The following RDX variants were observed in gnomAD, a reference collection of about 807,000 sequenced individuals.
RDX encodes the protein radixin.
A neutral mutation model predicts 83.7 loss-of-function variants in RDX; 32 were observed. The ratio of observed to expected loss-of-function variants is 0.38; its 90% CI spans 0.29 to 0.51. The LOEUF is 0.51. RDX is among the 20% of genes least tolerant of loss of function. The probability of loss-of-function intolerance (pLI) is 0.87; values close to 1 mark genes in which losing one functional copy is unlikely to be tolerated. For synonymous variants in RDX, 229 were observed against 222.7 expected (o/e 1.03, Z -0.25); for missense variants, 600 against 689.9 (o/e 0.87, Z 1.46).
intron 14 of RDX, among the ~76,000 whole-genome samples, chr11:110,202,809 G>A (rs1729262253): frequency 6.6e-6 from 1 of 151,936 alleles, no homozygotes; most frequent in South Asian, 2.1e-4. Flanking sequence ...TCAGAGAAAT[G>A]CAAACCAAAA....
intron 10 of RDX, 184 bp from the exon 11 acceptor site, chr11:110,237,836 G>T (rs955836622): frequency 1.4e-6 from 1 of 714,894 alleles, no homozygotes. Context: ...AGGCTGAAGT[G>T]CAGAAGCTCA....
intron 7 of RDX, among the ~76,000 whole-genome samples, chr11:110,256,523 A>G (rs958193301): frequency 3.9e-5 from 6 of 152,214 alleles, no homozygotes; most frequent in Non-Finnish European, 8.8e-5. Flanking sequence ...AGCTAATACA[A>G]TAACTTTTTT....
At chr11:110,198,696 C>A (rs1315096461) in intron 15 of RDX, among the ~76,000 whole-genome samples, 1 of 152,226 alleles carries the variant, frequency 6.6e-6, no homozygotes, top group Admixed American at 6.5e-5. Context: ...CCCCCCAACC[C>A]CACTCCCAGC....
At chr11:110,290,123 CA>C (rs1861175079) in intron 1 of RDX, among the ~76,000 whole-genome samples, 2 of 151,494 alleles carry the variant, frequency 1.3e-5, no homozygotes, top group Non-Finnish European at 2.9e-5. Flanking sequence ...GAAGATTTAA[CA>C]AAGAAAAAAA....
chr11:110,223,824 C>T (rs527771017), intron 14 of RDX, among the ~76,000 whole-genome samples: 13 of 151,948 alleles, frequency 8.6e-5, no homozygotes, highest in Non-Finnish European at 1.9e-4. Context: ...CCAGCACTTT[C>T]GGAGGCCGAG....
In RDX at chr11:110,210,941, C is replaced by T. The variant is rs569844950; in HGVS notation, c.1749-11263G>A. Among the ~76,000 whole-genome samples, 1,329 of 151,476 alleles carry T rather than the reference C, an allele frequency of 8.8e-3. 12 individuals carry two copies. Among genetic ancestry groups the T allele is most frequent in the Middle Eastern group, 0.031 (9 of 292 alleles). On this transcript the variant is annotated intron_variant, in intron 14 of 15. Coordinates refer to the RDX transcript ENST00000528498. ...GGAAGAAACTGCATCAACTAACGAG[C>T]AAAATAACCAGCTAACATCATAATG...
At chr11:110,262,503 G>A (rs768270382) in intron 5 of RDX, among the ~76,000 whole-genome samples, 13 of 151,764 alleles carry the variant, frequency 8.6e-5, no homozygotes, top group African/African-American at 1.5e-4. Flanking sequence ...CAGGAGAATC[G>A]CTTGAATCCG....
intron 15 of RDX, among the ~76,000 whole-genome samples, chr11:110,187,914 C>T (rs1354084279): frequency 6.6e-6 from 1 of 152,252 alleles, no homozygotes; most frequent in Admixed American, 6.5e-5. Flanking sequence ...CCCACAAGTG[C>T]CATCCACTGG....
At chr11:110,189,246 A>T (rs1462101776) in intron 15 of RDX, among the ~76,000 whole-genome samples, 16 of 123,840 alleles carry the variant, frequency 1.3e-4, no homozygotes, top group African/African-American at 3.0e-4. Flanking sequence ...CAACAGGTAA[A>T]AAAAAAAAAA....
At chr11:110,256,657 T>C (rs1188016876) in intron 7 of RDX, among the ~76,000 whole-genome samples, 1 of 152,142 alleles carries the variant, frequency 6.6e-6, no homozygotes. Context: ...CAAGAATTGC[T>C]AGAGGCCAGG....
chr11:110,291,136 G>A (rs540145042), intron 1 of RDX, among the ~76,000 whole-genome samples: 1 of 152,266 alleles, frequency 6.6e-6, no homozygotes, highest in Non-Finnish European at 1.5e-5. Context: ...AGACTAGCCT[G>A]GGCAACATAG....
At chr11:110,186,275 G>T (rs1447105877) in intron 15 of RDX, among the ~76,000 whole-genome samples, 1 of 151,926 alleles carries the variant, frequency 6.6e-6, no homozygotes, top group Admixed American at 6.5e-5. Flanking sequence ...GCCCTGTGCA[G>T]AAGAGAGCCA....
chr11:110,288,267 ACT>A (rs1363648434), intron 1 of RDX: 12 of 152,214 alleles, frequency 7.9e-5, no homozygotes, highest in African/African-American at 2.9e-4. Context: ...AAAGTTTTAC[ACT>A]GAGTTTAGGA....
At chr11:110,216,084 C>T (rs1864041060) in intron 14 of RDX, among the ~76,000 whole-genome samples, 1 of 152,178 alleles carries the variant, frequency 6.6e-6, no homozygotes, top group Admixed American at 6.5e-5. Flanking sequence ...GGCCAAACTG[C>T]TCAGTGGACA....
At chr11:110,282,186 C>T (rs185227072) in intron 1 of RDX, among the ~76,000 whole-genome samples, 6 of 152,280 alleles carry the variant, frequency 3.9e-5, no homozygotes, top group East Asian at 1.9e-4. Context: ...ATTCTTCACA[C>T]ATATATAAGA....
At chr11:110,249,014 T>C (rs1859221329) in intron 9 of RDX, among the ~76,000 whole-genome samples, 2 of 152,180 alleles carry the variant, frequency 1.3e-5, no homozygotes, top group African/African-American at 4.8e-5. Flanking sequence ...ATGGGCCTGA[T>C]GAGAGTGTTT....
intron 5 of RDX, among the ~76,000 whole-genome samples, chr11:110,262,341 T>C (rs1859839184): frequency 6.6e-6 from 1 of 152,146 alleles, no homozygotes; most frequent in African/African-American, 2.4e-5. Context: ...TCCCAGCACT[T>C]TGGGAGGCCG....
In RDX at chr11:110,233,895, G is replaced by T. The variant is rs1383081561; in HGVS notation, c.1345-416C>A. On this transcript the variant is annotated intron_variant, in intron 12 of 13. Coordinates refer to ENST00000645495, the MANE Select transcript of RDX (RefSeq NM_002906.4). ...AAATGTAACCGAATAACGGAGGAATGAGACTGTCGTTACTCAAATCCAATG... is the reference window on the plus strand; with the variant it reads ...AAATGTAACCGAATAACGGAGGAATTAGACTGTCGTTACTCAAATCCAATG... 8.5e-5 allele frequency among the ~76,000 whole-genome samples: 13 copies of T among 152,294 alleles called. No individual in the cohort carries two copies. The East Asian group carries it at 2.5e-3, about 29-fold the overall frequency.
chr11:110,203,066 A>G (rs1863472749), intron 14 of RDX, among the ~76,000 whole-genome samples: 1 of 152,156 alleles, frequency 6.6e-6, no homozygotes, highest in Admixed American at 6.5e-5. Flanking sequence ...CTCCCATATT[A>G]ACTGCAACAC....
Sources: gnomAD v4.1 joint callset for allele counts (sites outside exome capture counted in the v4.1 genomes callset) on GRCh38, gnomAD v4.1.1 for gene constraint, MANE v1.5 for transcripts, NCBI Gene and HGNC (gene_info 2026-07-23, HGNC 2026-07-21) for gene names.